RAB2A: variants seen among roughly 807,000 people sequenced by gnomAD.
RAB2A encodes the protein ras-related protein Rab-2A.
RAB2A carries 7 observed loss-of-function variants against 32.5 expected under a neutral mutation model. The ratio of observed to expected loss-of-function variants is 0.22; its 90% CI spans 0.12 to 0.40. The LOEUF is 0.40. Ranked by LOEUF, RAB2A falls within the 10% of genes least tolerant of loss-of-function variation. The pLI is 1.00. For missense variants in RAB2A, 108 were observed against 260.7 expected, an observed-to-expected ratio of 0.41 and a Z score of 4.03; for synonymous variants, 79 against 85.2, an observed-to-expected ratio of 0.93 and a Z score of 0.40.
chr8:60,577,056 T>C (rs904599839), intron 3 of RAB2A, among the ~76,000 whole-genome samples: 1 of 151,754 alleles, frequency 6.6e-6, no homozygotes, highest in Non-Finnish European at 1.5e-5. Context: ...TTTTTTTTCT[T>C]GTTTTTTGAG....
chr8:60,590,237 G>GGT (rs149606782), intron 5 of RAB2A, among the ~76,000 whole-genome samples: 12,419 of 151,938 alleles, frequency 0.082, 1,540 homozygotes, highest in African/African-American at 0.27. Context: ...CGTAATTACA[G>GGT]GTGTGAGCCA....
chr8:60,591,921 A>G lies in RAB2A; in HGVS notation c.426A>G (p.Gly142=). The change falls in exon 6 of 8, where the codon GGA becomes GGG. Residue 142 remains glycine, a synonymous_variant. Coordinates refer to ENST00000262646, the MANE Select transcript of RAB2A (RefSeq NM_002865.3). ...GTGAAGCTTTTGCACGAGAACATGG[A>G]CTCATCTTCATGGAAACGTCTGCTA... ...EEGEAFAREH[G]LIFMETSAKT... 6.2e-7 allele frequency: 1 copy of G among 1,612,978 alleles called. No individual in the cohort carries two copies. The highest frequency in any genetic ancestry group is 8.5e-7 in the Non-Finnish European group (1 of 1,179,218).
intron 6 of RAB2A, among the ~76,000 whole-genome samples, chr8:60,603,576 C>T (rs1390707553): frequency 6.6e-6 from 1 of 152,172 alleles, no homozygotes; most frequent in South Asian, 2.1e-4. Flanking sequence ...AGAATTATCT[C>T]GTCCAAAATG....
At chr8:60,594,324 C>T (rs1008469616) in intron 6 of RAB2A, among the ~76,000 whole-genome samples, 2 of 152,060 alleles carry the variant, frequency 1.3e-5, no homozygotes, top group African/African-American at 4.8e-5. Flanking sequence ...TGACGAACCT[C>T]TGTATGGTCA....
chr8:60,570,093 A>G (rs747037861), intron 2 of RAB2A: 64 of 453,056 alleles, frequency 1.4e-4, no homozygotes, highest in African/African-American at 1.2e-3. Flanking sequence ...TGCTCAAGAT[A>G]TCAATTCCAG....
At chr8:60,546,176 G>C in intron 1 of RAB2A, among the ~76,000 whole-genome samples, 1 of 152,208 alleles carries the variant, frequency 6.6e-6, no homozygotes, top group East Asian at 1.9e-4. Context: ...GGTGTGCATG[G>C]CTTTCTGTTT....
At chr8:60,545,245 C>A (rs538114562) in intron 1 of RAB2A, among the ~76,000 whole-genome samples, 25 of 152,240 alleles carry the variant, frequency 1.6e-4, no homozygotes, top group African/African-American at 5.8e-4. Flanking sequence ...TAATTAGATT[C>A]TTGGGCCCCA....
chr8:60,559,068 T>A (rs186783386), intron 2 of RAB2A, 145 bp downstream of exon 2: 230 of 593,942 alleles, frequency 3.9e-4, no homozygotes, highest in Admixed American at 2.3e-4. Flanking sequence ...GTCACTTTTT[T>A]AAAAATATGT....
Position 60,517,194 on chromosome 8 carries a change from G to T in RAB2A, c.-14G>T. 6.7e-7 allele frequency: 1 copy of T among 1,488,472 alleles called. No individual in the cohort carries two copies. The highest frequency in any genetic ancestry group is 1.3e-5 in the South Asian group (1 of 78,024). The allele number at this position is 1,488,472 out of a possible 1,614,324, so 92.2% of individuals were successfully genotyped here. A position where few individuals can be genotyped will look rare whatever the true frequency, so the allele number is the denominator to read the frequency against. On this transcript the variant is annotated 5_prime_UTR_variant, in exon 1 of 8. Coordinates refer to ENST00000262646, the MANE Select transcript of RAB2A (RefSeq NM_002865.3). ...AGGAGGAGCCGTGTGCCCTGGCACTGAGCGGCCGCGGCCATGGCGTACGCC... is the reference window on the plus strand; with the variant it reads ...AGGAGGAGCCGTGTGCCCTGGCACTTAGCGGCCGCGGCCATGGCGTACGCC...
intron 3 of RAB2A, among the ~76,000 whole-genome samples, chr8:60,582,239 C>T (rs1803771984): frequency 6.6e-6 from 1 of 152,134 alleles, no homozygotes; most frequent in Admixed American, 6.5e-5. Context: ...ACCCGGCTGT[C>T]TTCAGTTTAA....
intron 6 of RAB2A, among the ~76,000 whole-genome samples, chr8:60,609,780 G>T (rs186053289): frequency 1.3e-5 from 2 of 151,832 alleles, no homozygotes; most frequent in African/African-American, 2.4e-5. Flanking sequence ...AGCCTGGCCC[G>T]CATGGCAAAA....
At chr8:60,567,674 T>C (rs1352128749) in intron 2 of RAB2A, among the ~76,000 whole-genome samples, 3 of 140,074 alleles carry the variant, frequency 2.1e-5, no homozygotes, top group Non-Finnish European at 4.4e-5. Context: ...TAAATGCTGT[T>C]CAGTAAAATT....
At chr8:60,531,979 AT>A (rs1563460212) in intron 1 of RAB2A, among the ~76,000 whole-genome samples, 6 of 151,822 alleles carry the variant, frequency 4.0e-5, no homozygotes, top group African/African-American at 1.5e-4. Context: ...ATTTTTTTGT[AT>A]TTTTAGTAGA....
chr8:60,556,944 A>G (rs534112716), intron 1 of RAB2A, among the ~76,000 whole-genome samples: 3 of 152,296 alleles, frequency 2.0e-5, no homozygotes, highest in South Asian at 2.1e-4. Flanking sequence ...TTGCTCACCT[A>G]TTTTGAACTT....
intron 6 of RAB2A, among the ~76,000 whole-genome samples, chr8:60,596,066 T>C (rs1804017265): frequency 6.6e-6 from 1 of 152,178 alleles, no homozygotes; most frequent in Non-Finnish European, 1.5e-5. Flanking sequence ...AAAACAGTGT[T>C]ACGAGAGGGA....
chr8:60,530,003 C>T (rs1020024912), intron 1 of RAB2A, among the ~76,000 whole-genome samples: 2 of 152,084 alleles, frequency 1.3e-5, no homozygotes, highest in Non-Finnish European at 2.9e-5. Context: ...CAGGGTCTTG[C>T]TCTGTCACCC....
intron 6 of RAB2A, among the ~76,000 whole-genome samples, chr8:60,613,298 C>G (rs1263179084): frequency 2.0e-5 from 3 of 152,180 alleles, no homozygotes; most frequent in Admixed American, 2.0e-4. Context: ...TGTGTCTTTG[C>G]ATCCAGACGT....
chr8:60,611,670 C>T lies in RAB2A; in HGVS notation c.475-6910C>T, dbSNP rs115472449. ...GGAATTAAACATTTTTGTGTTACCT[C>T]TGACAGAAAGTAGGAACAGGAAATT... On this transcript the variant is annotated intron_variant, in intron 6 of 7. Transcript: ENST00000262646. 5.0e-3 allele frequency among the ~76,000 whole-genome samples: 765 copies of T among 152,240 alleles called. 8 individuals carry two copies. Among genetic ancestry groups the T allele is most frequent in the African/African-American group, 0.017 (701 of 41,548 alleles).
intron 1 of RAB2A, chr8:60,552,546 CAG>C (rs1397377274): frequency 5.3e-5 from 8 of 152,106 alleles, no homozygotes; most frequent in African/African-American, 1.7e-4. Context: ...AACAGATACT[CAG>C]ATGTTAAATT....
Sources: gnomAD v4.1 joint callset for allele counts (sites outside exome capture counted in the v4.1 genomes callset) on GRCh38, gnomAD v4.1.1 for gene constraint, MANE v1.5 for transcripts, NCBI Gene and HGNC (gene_info 2026-07-23, HGNC 2026-07-21) for gene names.